ANK3: variants seen among roughly 807,000 people sequenced by gnomAD.
The protein encoded by ANK3 is ankyrin-3.
In ANK3, 57 loss-of-function variants were observed where a neutral mutation model predicts 370.9. That is an observed-to-expected ratio of 0.15 (90% confidence interval 0.12 to 0.19). The LOEUF (loss-of-function observed/expected upper bound fraction) is 0.19, where lower values mean the gene tolerates loss of function less well. Among genes scored for constraint, ANK3 ranks in the 10% least tolerant of loss-of-function variants. The pLI is 1.00. For synonymous variants in ANK3, 1,929 were observed against 1,946.3 expected (o/e 0.99, Z 0.23); for missense variants, 4,439 against 5,302.1 (o/e 0.84, Z 5.06).
rs111753110 is a variant in ANK3 at position 60,675,012 on chromosome 10, C to A, written c.57+58251G>T. On this transcript the variant is annotated intron_variant, in intron 1 of 43. Coordinates refer to the ANK3 transcript ENST00000373827. ...GAACTCATGCCATAATGGCCAGAAC[C>A]ACATTTGCATTGCAAGTAGCAATTT... Among the ~76,000 whole-genome samples the A allele has an allele frequency of 9.5e-4, 145 of 152,302 alleles. 1 individual carries two copies. The highest frequency in any genetic ancestry group is 6.8e-3 in the Middle Eastern group (2 of 294).
chr10:60,314,958 C>G (rs1461374081), intron 1 of ANK3, among the ~76,000 whole-genome samples: 2 of 152,192 alleles, frequency 1.3e-5, no homozygotes, highest in African/African-American at 4.8e-5. Flanking sequence ...AGGTAAAGTT[C>G]TTACGTTGGC....
At chr10:60,525,555 A>G (rs2076449206) in intron 2 of ANK3, among the ~76,000 whole-genome samples, 1 of 152,156 alleles carries the variant, frequency 6.6e-6, no homozygotes, top group Non-Finnish European at 1.5e-5. Context: ...GCTAAACTGC[A>G]GTGGTTACCA....
chr10:60,047,348 C>A (rs890408091), intron 42 of ANK3, among the ~76,000 whole-genome samples: 2 of 152,154 alleles, frequency 1.3e-5, no homozygotes, highest in Non-Finnish European at 2.9e-5. Context: ...ACTTTTATTT[C>A]TCTTAGAATT....
At chr10:60,286,165 G>A (rs2098242240) in intron 1 of ANK3, among the ~76,000 whole-genome samples, 1 of 152,116 alleles carries the variant, frequency 6.6e-6, no homozygotes, top group African/African-American at 2.4e-5. Flanking sequence ...TGGATTTGAA[G>A]ACTCCCAACG....
At chr10:60,041,981 T>C (rs10821662) in intron 43 of ANK3, among the ~76,000 whole-genome samples, 113,796 of 152,030 alleles carry the variant, frequency 0.75, 42,816 homozygotes, top group East Asian at 0.83. Context: ...TTTGCTTTAC[T>C]TTACAGACTA....
chr10:60,534,276 G>C (rs1194636442), intron 2 of ANK3, among the ~76,000 whole-genome samples: 1 of 152,100 alleles, frequency 6.6e-6, no homozygotes, highest in Non-Finnish European at 1.5e-5. Context: ...TCCTGAGTGG[G>C]TGGCTAGGTT....
intron 28 of ANK3, among the ~76,000 whole-genome samples, chr10:60,103,218 G>A (rs376000984): frequency 1.3e-5 from 2 of 152,098 alleles, no homozygotes; most frequent in East Asian, 1.9e-4. Context: ...CCAAAGTGCT[G>A]GGATTACAGG....
At chr10:60,441,282 A>T (rs1292466281) in intron 2 of ANK3, among the ~76,000 whole-genome samples, 1 of 152,176 alleles carries the variant, frequency 6.6e-6, no homozygotes, top group Non-Finnish European at 1.5e-5. Flanking sequence ...AAAACTGCCA[A>T]ATAGCCTGAG....
intron 13 of ANK3, 108 bp downstream of exon 13, chr10:60,200,021 C>G (rs2096648516): frequency 2.6e-6 from 2 of 783,324 alleles, no homozygotes; most frequent in East Asian, 5.4e-5. Context: ...GGAGGTTTTT[C>G]AATATTTTTA....
At chr10:60,508,665 T>G (rs1425503529) in intron 2 of ANK3, 1 of 152,568 alleles carries the variant, frequency 6.6e-6, no homozygotes, top group African/African-American at 2.4e-5. Context: ...TCTCTAATCA[T>G]GAAGGCACAA....
At chr10:60,720,133 C>G (rs778293081) in intron 1 of ANK3, among the ~76,000 whole-genome samples, 27 of 152,128 alleles carry the variant, frequency 1.8e-4, no homozygotes, top group Non-Finnish European at 3.1e-4. Flanking sequence ...ATGTCCCTTC[C>G]TTACAAGGAT....
chr10:60,142,288 T>TC (rs2094603295), intron 23 of ANK3, among the ~76,000 whole-genome samples: 2 of 152,186 alleles, frequency 1.3e-5, no homozygotes, highest in Admixed American at 1.3e-4. Context: ...TATCGTTTTT[T>TC]CCTGATGAAC....
intron 24 of ANK3, among the ~76,000 whole-genome samples, chr10:60,135,197 A>G (rs1016467223): frequency 2.0e-5 from 3 of 152,196 alleles, no homozygotes; most frequent in African/African-American, 7.2e-5. Context: ...TAAGTCATAC[A>G]GGCAAAGACC....
At chr10:60,104,291 G>A (rs1227994169) in intron 28 of ANK3, among the ~76,000 whole-genome samples, 1 of 138,528 alleles carries the variant, frequency 7.2e-6, no homozygotes, top group African/African-American at 2.6e-5. Context: ...CCAGGAGGCG[G>A]ACGTTGCAGT....
chr10:60,297,264 C>A (rs1177921108), intron 1 of ANK3, among the ~76,000 whole-genome samples: 1 of 152,102 alleles, frequency 6.6e-6, no homozygotes, highest in Non-Finnish European at 1.5e-5. Flanking sequence ...AAAAAAATGG[C>A]ATTCACTACC....
rs563946588 is a variant in ANK3 at position 60,036,422 on chromosome 10, ATTTTTTTTTTTTTTTTTT to A, written c.*19+6232_*19+6249del. On this transcript the variant is annotated intron_variant, in intron 43 of 43. Transcript: ENST00000280772. ...CTGCGGAAGAGAGAGGTCAGAGGCA[ATTTTTTTTTTTTTTTTTT>A]TTTTTTTTTTTTTGAGACGGAGTCT... Among the ~76,000 whole-genome samples, 4 of 72,292 alleles carry A rather than the reference ATTTTTTTTTTTTTTTTTT, an allele frequency of 5.5e-5. No homozygotes were observed. The South Asian group carries it at 2.2e-3, about 39-fold the overall frequency. The allele number at this position is 72,292 out of a possible 152,430, so 47.4% of individuals were successfully genotyped here.
Position 60,075,088 on chromosome 10 carries a change from A to G in ANK3, c.5793T>C (p.Pro1931=). The G allele has an allele frequency of 6.2e-7, 1 of 1,614,044 alleles. No homozygotes were observed. Reference sequence around the variant, plus strand: ...CTATTCTCCCTTCCTTTGGGAGTTCAGGTTGGAATGGCTTCTCCTCAGGCA... The same window carrying G: ...CTATTCTCCCTTCCTTTGGGAGTTCGGGTTGGAATGGCTTCTCCTCAGGCA... ...TDVPEEKPFQ[P]ELPKEGRIDD... Residue 1931 remains proline, a synonymous_variant, in exon 37 of 44, where the codon CCT becomes CCC. Coordinates refer to ENST00000280772, the MANE Select transcript of ANK3 (RefSeq NM_020987.5).
chr10:60,140,592 G>A, intron 23 of ANK3: 1 of 1,389,270 alleles, frequency 7.2e-7, no homozygotes, highest in Non-Finnish European at 9.3e-7. Flanking sequence ...AAAATTTCAG[G>A]CCCCCAAAAA....
At chr10:60,484,697 T>C (rs942304141) in intron 2 of ANK3, among the ~76,000 whole-genome samples, 6 of 152,026 alleles carry the variant, frequency 3.9e-5, no homozygotes, top group Admixed American at 6.6e-5. Context: ...AGCATTACTA[T>C]TGCACAGGCG....
Sources: allele counts gnomAD v4.1 joint callset (sites outside exome capture counted in the v4.1 genomes callset), GRCh38; gene constraint gnomAD v4.1.1; transcripts MANE v1.5; gene names NCBI Gene and HGNC (gene_info 2026-07-23, HGNC 2026-07-21).